The following CDH6 variants were observed in gnomAD, a reference collection of about 807,000 sequenced individuals.
The protein encoded by CDH6 is cadherin-6.
A neutral mutation model predicts 78.0 loss-of-function variants in CDH6; 31 were observed. The observed-to-expected ratio is 0.40, with a 90% CI of 0.30 to 0.54. The LOEUF (loss-of-function observed/expected upper bound fraction) is 0.54, where lower values mean the gene tolerates loss of function less well. Among genes scored for constraint, CDH6 ranks in the 20% least tolerant of loss-of-function variants. The pLI is 0.56. For synonymous variants in CDH6, 376 were observed against 368.8 expected, an observed-to-expected ratio of 1.02 and a Z score of -0.23; for missense variants, 724 against 975.9, an observed-to-expected ratio of 0.74 and a Z score of 3.44.
rs143669042 is a variant in CDH6, at chr5:31,316,449, G to A, written c.1512+120G>A. The A allele has an allele frequency of 7.1e-3, 5,676 of 800,988 alleles. 34 individuals carry two copies. The highest frequency in any genetic ancestry group is 9.1e-3 in the Non-Finnish European group (4,744 of 518,836). 49.6% of individuals were successfully genotyped at this position (800,988 alleles called of 1,614,324 possible). A position where few individuals can be genotyped will look rare whatever the true frequency, so the allele number is the denominator to read the frequency against. On this transcript the variant is annotated intron_variant, in intron 9 of 11. Transcript: ENST00000265071. ...GAATTATCTATGAAGTGAATGCTAC[G>A]GAAATTAATACTATAAATAAGAACC...
intron 1 of CDH6, among the ~76,000 whole-genome samples, chr5:31,254,523 A>G (rs889085226): frequency 1.3e-5 from 2 of 152,204 alleles, no homozygotes; most frequent in Non-Finnish European, 1.5e-5. Flanking sequence ...AAGGCATTAC[A>G]TTGTGGGTGG....
chr5:31,194,683 A>T (rs1740115046), intron 1 of CDH6, among the ~76,000 whole-genome samples: 1 of 152,076 alleles, frequency 6.6e-6, no homozygotes, highest in Non-Finnish European at 1.5e-5. Context: ...CTGGGGGATA[A>T]AGCCTTCCCC....
chr5:31,285,819 A>G lies in CDH6; in HGVS notation c.229-8143A>G, dbSNP rs76783576. ...TGGTCCATTTTTGTCAACAAATCCA[A>G]TACAAGTTGGCTTTACTATTGTGTT... On this transcript the variant is annotated intron_variant, in intron 2 of 11. Coordinates refer to ENST00000265071, the MANE Select transcript of CDH6 (RefSeq NM_004932.4). 3.3e-5 allele frequency among the ~76,000 whole-genome samples: 5 copies of G among 152,338 alleles called. No homozygotes were observed. In the East Asian group the frequency reaches 7.7e-4, roughly 23 times the overall value.
At position 31,263,362 on chromosome 5, in the gene CDH6, G is replaced by A. The variant is rs986381330; in HGVS notation, c.-128-3984G>A. ...CAACCTCCGCATCCTGGGTTCAAGCGCCTCCTGCCTCAGCCTCCTGAGTAG... is the reference window on the plus strand; with the variant it reads ...CAACCTCCGCATCCTGGGTTCAAGCACCTCCTGCCTCAGCCTCCTGAGTAG... On this transcript the variant is annotated intron_variant, in intron 1 of 11. Transcript: ENST00000265071. Among the ~76,000 whole-genome samples, 11 of 150,056 alleles carry A rather than the reference G, an allele frequency of 7.3e-5. No homozygotes were observed. The South Asian group carries it at 1.3e-3, about 17-fold the overall frequency.
Position 31,253,806 on chromosome 5 carries a change from A to G in CDH6, c.-128-13540A>G, listed in dbSNP as rs181043917. On this transcript the variant is annotated intron_variant, in intron 1 of 11. Coordinates refer to ENST00000265071, the MANE Select transcript of CDH6 (RefSeq NM_004932.4). ...AAATTTTAAATAGGACAGCCAAACTATAACAGGACTGATACAGGGTTTTTT... is the reference window on the plus strand; with the variant it reads ...AAATTTTAAATAGGACAGCCAAACTGTAACAGGACTGATACAGGGTTTTTT... Among the ~76,000 whole-genome samples, 5 of 152,182 alleles carry G rather than the reference A, an allele frequency of 3.3e-5. No individual in the cohort carries two copies. In the East Asian group the frequency reaches 9.7e-4, roughly 29 times the overall value.
Position 31,294,302 on chromosome 5 carries a change from C to T in CDH6, c.523+46C>T, listed in dbSNP as rs376606446. 7 of 1,515,234 alleles carry T rather than the reference C, an allele frequency of 4.6e-6. No individual in the cohort carries two copies. Among genetic ancestry groups the T allele is most frequent in the African/African-American group, 1.4e-5 (1 of 72,494 alleles). The allele number at this position is 1,515,234 out of a possible 1,614,324, so 93.9% of individuals were successfully genotyped here. A position where few individuals can be genotyped will look rare whatever the true frequency, so the allele number is the denominator to read the frequency against. ...GCCAAAAGCTGGCTTTCCCCTAGTG[C>T]ATCCACTGAGTAAGGAATCCCACGA... On this transcript the variant is annotated intron_variant, in intron 3 of 11. Coordinates refer to ENST00000265071, the MANE Select transcript of CDH6 (RefSeq NM_004932.4). The surrounding 1 kb of genome is among the most constrained non-coding windows in gnomAD (Gnocchi z 4.1).
chr5:31,196,417 C>T (rs2111759294), intron 1 of CDH6, among the ~76,000 whole-genome samples: 1 of 152,312 alleles, frequency 6.6e-6, no homozygotes, highest in Non-Finnish European at 1.5e-5. Context: ...AGTGAAACTA[C>T]AATCTTCCTA....
chr5:31,242,378 C>T (rs891456147), intron 1 of CDH6, among the ~76,000 whole-genome samples: 1 of 152,140 alleles, frequency 6.6e-6, no homozygotes, highest in African/African-American at 2.4e-5. Context: ...ACAATGTTGT[C>T]TCTCAACTCT....
intron 1 of CDH6, among the ~76,000 whole-genome samples, chr5:31,248,998 T>A (rs569677554): frequency 6.8e-6 from 1 of 147,104 alleles, no homozygotes; most frequent in Non-Finnish European, 1.5e-5. Context: ...ATGCAGAGGG[T>A]TTTTTTTCCC....
At chr5:31,304,360 A>G (rs1737915152) in intron 6 of CDH6, among the ~76,000 whole-genome samples, 1 of 152,096 alleles carries the variant, frequency 6.6e-6, no homozygotes, top group African/African-American at 2.4e-5. Flanking sequence ...GGGCCAAGAC[A>G]TTGGCCAGTT....
chr5:31,205,031 T>C (rs1740476159), intron 1 of CDH6, among the ~76,000 whole-genome samples: 1 of 152,166 alleles, frequency 6.6e-6, no homozygotes, highest in African/African-American at 2.4e-5. Context: ...CTTTATGGAA[T>C]AGATAAATCC....
intron 8 of CDH6, 23 bp from the exon 9 acceptor site, chr5:31,316,185 T>G: frequency 1.3e-6 from 2 of 1,591,116 alleles, no homozygotes; most frequent in Non-Finnish European, 1.7e-6. Context: ...AATGCCTTTT[T>G]CTTTCTTTTT....
intron 1 of CDH6, among the ~76,000 whole-genome samples, chr5:31,228,114 TG>T (rs1741215768): frequency 6.6e-6 from 1 of 152,026 alleles, no homozygotes; most frequent in African/African-American, 2.4e-5. Flanking sequence ...AAGCCAACAG[TG>T]TAGCATGTTT....
At chr5:31,290,223 G>T (rs961049452) in intron 2 of CDH6, among the ~76,000 whole-genome samples, 2 of 152,156 alleles carry the variant, frequency 1.3e-5, no homozygotes, top group African/African-American at 4.8e-5. Flanking sequence ...TCGCACCACT[G>T]CACTCCAGCC....
At chr5:31,302,804 GA>G (rs1561066023) in intron 6 of CDH6, among the ~76,000 whole-genome samples, 3 of 88,460 alleles carry the variant, frequency 3.4e-5, no homozygotes, top group East Asian at 2.9e-4. Context: ...GAGAGAGAAA[GA>G]AAGAAAGAAA....
At chr5:31,291,193 C>T (rs552957660) in intron 2 of CDH6, among the ~76,000 whole-genome samples, 131 of 152,208 alleles carry the variant, frequency 8.6e-4, no homozygotes, top group African/African-American at 2.7e-3. Context: ...TTGCCCCCCG[C>T]CGCCCAGTTA....
At chr5:31,322,357 C>T (rs533638005) in intron 11 of CDH6, among the ~76,000 whole-genome samples, 4 of 151,850 alleles carry the variant, frequency 2.6e-5, no homozygotes, top group Middle Eastern at 3.4e-3. Context: ...AAAGGCATAG[C>T]GCAAAAGTTA....
chr5:31,205,251 T>C (rs1465812690), intron 1 of CDH6, among the ~76,000 whole-genome samples: 1 of 152,240 alleles, frequency 6.6e-6, no homozygotes, highest in Non-Finnish European at 1.5e-5. Flanking sequence ...TGCTTGCCAG[T>C]GAAAATACAC....
intron 2 of CDH6, among the ~76,000 whole-genome samples, chr5:31,269,032 T>G (rs1742444071): frequency 6.6e-6 from 1 of 152,194 alleles, no homozygotes; most frequent in African/African-American, 2.4e-5. Context: ...TACTCGTACT[T>G]CACTCCATTT....
Sources: allele counts gnomAD v4.1 joint callset (sites outside exome capture counted in the v4.1 genomes callset), GRCh38; gene constraint gnomAD v4.1.1; non-coding constraint Gnocchi (gnomAD v3.1); transcripts MANE v1.5; gene names NCBI Gene and HGNC (gene_info 2026-07-23, HGNC 2026-07-21).